TRAK1: variants seen among roughly 807,000 people sequenced by gnomAD.
The protein encoded by TRAK1 is trafficking kinesin protein 1.
Under a neutral mutation model 92.1 loss-of-function variants are expected in TRAK1, and 33 were observed. The observed-to-expected ratio is 0.36, with a 90% CI of 0.27 to 0.48. The LOEUF is 0.48. Among genes scored for constraint, TRAK1 ranks in the 20% least tolerant of loss-of-function variants. The pLI is 0.99. For missense variants in TRAK1, 1,123 were observed against 1,257.9 expected (o/e 0.89, Z 1.62); for synonymous variants, 521 against 517.3 (o/e 1.01, Z -0.10).
At chr3:42,101,901 G>A (rs554745362) in intron 1 of TRAK1, among the ~76,000 whole-genome samples, 53 of 152,266 alleles carry the variant, frequency 3.5e-4, no homozygotes, top group Non-Finnish European at 6.3e-4. Flanking sequence ...TTTACTCCGC[G>A]TTATTAAGCT....
chr3:42,172,140 C>A (rs550185554), intron 2 of TRAK1, among the ~76,000 whole-genome samples: 6 of 152,170 alleles, frequency 3.9e-5, no homozygotes, highest in Non-Finnish European at 8.8e-5. Flanking sequence ...TCTCCCAAAC[C>A]AAAAATCTCC....
upstream of TRAK1, among the ~76,000 whole-genome samples, chr3:42,089,675 A>ACCCCCCCCC (rs3073728): frequency 7.5e-6 from 1 of 132,844 alleles, no homozygotes; most frequent in Non-Finnish European, 1.6e-5. Context: ...GCTTTTTGTG[A>ACCCCCCCCC]CCCCCCCCCA....
Position 42,121,748 on chromosome 3 carries a change from G to A in TRAK1, c.92-3672G>A, listed in dbSNP as rs75883326. On this transcript the variant is annotated intron_variant, in intron 1 of 15. Coordinates refer to ENST00000327628, the MANE Select transcript of TRAK1 (RefSeq NM_001042646.3). ...CCTATCCCATGTCCTAATTCTTTGG[G>A]CCTTTAAAGCATCTGAAAATTTGCT... Among the ~76,000 whole-genome samples, 912 of 152,228 alleles carry A rather than the reference G, an allele frequency of 6.0e-3. 34 individuals carry two copies. The East Asian group carries it at 0.1, about 17-fold the overall frequency.
chr3:42,208,476 C>T (rs887238653), intron 13 of TRAK1, among the ~76,000 whole-genome samples: 1 of 152,214 alleles, frequency 6.6e-6, no homozygotes, highest in Admixed American at 6.5e-5. Flanking sequence ...CCTCCCACCT[C>T]GGCCTGCCTG....
Position 42,202,492 on chromosome 3 carries a change from T to C in TRAK1, c.1484T>C (p.Leu495Pro), listed in dbSNP as rs1307141158. ...CCGGGCACCCCAGGCTCCCACGACC[T>C]GGAGACGGCGCTGAGGCGGCTGTCC... ...GTPGTPGSHDLETALRRLSLR... is the reference protein window; with the variant it reads ...GTPGTPGSHDPETALRRLSLR... The change falls in exon 13 of 16, where the codon CTG becomes CCG. Residue 495 changes from leucine (L) to proline (P), a missense_variant. Physicochemically the swap from Leu to Pro is moderately conservative, Grantham distance 98. This residue lies in a region of TRAK1 where 686 missense variants were observed against 747.6 expected (regional missense o/e 0.92). Coordinates refer to ENST00000327628, the MANE Select transcript of TRAK1 (RefSeq NM_001042646.3). This position sits in a 1 kb window ranked among gnomAD's most constrained non-coding sequence, Gnocchi z 6.1. The C allele has an allele frequency of 6.6e-7, 1 of 1,505,192 alleles. No homozygotes were observed. The highest frequency in any genetic ancestry group is 2.2e-5 in the Admixed American group (1 of 45,634). 93.2% of individuals were successfully genotyped at this position (1,505,192 alleles called of 1,614,324 possible).
chr3:42,183,510 C>G (rs376804713), intron 3 of TRAK1, among the ~76,000 whole-genome samples: 1 of 144,688 alleles, frequency 6.9e-6, no homozygotes. Context: ...GAGCCGAGAT[C>G]GTGCTACTGT....
rs1431957705 is a variant in TRAK1 at position 42,209,795 on chromosome 3, G to A, written c.1773G>A (p.Gln591=). 3.1e-6 allele frequency: 5 copies of A among 1,614,150 alleles called. No homozygotes were observed. Among genetic ancestry groups the A allele is most frequent in the Non-Finnish European group, 4.2e-6 (5 of 1,180,034 alleles). The change falls in exon 14 of 16, where the codon CAG becomes CAA. Residue 591 remains glutamine, a synonymous_variant. Coordinates refer to ENST00000327628, the MANE Select transcript of TRAK1 (RefSeq NM_001042646.3). ...EGSATLHHWQ[Q]LAQPHLGGIL... ...CCGCCACACTTCACCACTGGCAGCAGTTGGCCCAACCTCACCTTGGGGGCA... is the reference window on the plus strand; with the variant it reads ...CCGCCACACTTCACCACTGGCAGCAATTGGCCCAACCTCACCTTGGGGGCA...
intron 1 of TRAK1, among the ~76,000 whole-genome samples, chr3:42,056,484 T>C (rs545816743): frequency 2.0e-5 from 3 of 152,334 alleles, no homozygotes; most frequent in African/African-American, 7.2e-5. Flanking sequence ...AAATTATTAT[T>C]GAAATAATTA....
At chr3:42,221,264 G>C (rs1710320205) in intron 15 of TRAK1, among the ~76,000 whole-genome samples, 1 of 151,998 alleles carries the variant, frequency 6.6e-6, no homozygotes. Context: ...CTCCACAAAT[G>C]CCTTCTGAAA....
intron 1 of TRAK1, among the ~76,000 whole-genome samples, chr3:42,099,017 CTG>C (rs998147045): frequency 1.0e-4 from 15 of 148,944 alleles, no homozygotes; most frequent in Non-Finnish European, 1.9e-4. Context: ...GCGGGGATAA[CTG>C]AGGGAGAGCT....
chr3:42,127,872 A>G (rs1039389159), intron 2 of TRAK1, among the ~76,000 whole-genome samples: 4 of 152,184 alleles, frequency 2.6e-5, no homozygotes, highest in African/African-American at 9.7e-5. Context: ...CACAGTTTCT[A>G]AAATCTGTTT....
intron 1 of TRAK1, among the ~76,000 whole-genome samples, chr3:42,045,434 C>G (rs1364232713): frequency 6.6e-6 from 1 of 152,134 alleles, no homozygotes; most frequent in Non-Finnish European, 1.5e-5. Flanking sequence ...ACTAGGGAGG[C>G]TGAGGCAGGA....
At chr3:42,219,800 T>G (rs1180330751) in intron 15 of TRAK1, among the ~76,000 whole-genome samples, 16 of 142,830 alleles carry the variant, frequency 1.1e-4, no homozygotes, top group South Asian at 4.7e-4. Flanking sequence ...TTTTTTTTTT[T>G]TTTTTTTTTT....
In TRAK1 at chr3:42,202,781, T is replaced by C. The variant is rs1405707317; in HGVS notation, c.1744+29T>C. ...ATCACGCGGGGCCTCGGCCCCTCTC[T>C]GTCCTCCTGGGGGACTCCCTTTGGT... On this transcript the variant is annotated intron_variant, in intron 13 of 15. Coordinates refer to ENST00000327628, the MANE Select transcript of TRAK1 (RefSeq NM_001042646.3). The surrounding 1 kb of genome is among the most constrained non-coding windows in gnomAD (Gnocchi z 6.1). 6.2e-7 allele frequency: 1 copy of C among 1,611,382 alleles called. No individual in the cohort carries two copies. The highest frequency in any genetic ancestry group is 8.5e-7 in the Non-Finnish European group (1 of 1,178,190).
At chr3:42,034,084 C>T (rs1397817180) in intron 1 of TRAK1, among the ~76,000 whole-genome samples, 1 of 152,196 alleles carries the variant, frequency 6.6e-6, no homozygotes, top group African/African-American at 2.4e-5. Flanking sequence ...TGCCAGTCCT[C>T]CTATCCCTCT....
At chr3:42,113,787 C>G (rs752915305) in intron 1 of TRAK1, among the ~76,000 whole-genome samples, 10 of 152,304 alleles carry the variant, frequency 6.6e-5, no homozygotes, top group Non-Finnish European at 1.3e-4. Context: ...CTCCAGGGCT[C>G]AAGTGATCGT....
At chr3:42,077,550 A>C (rs1414443481) in intron 1 of TRAK1, among the ~76,000 whole-genome samples, 1 of 152,062 alleles carries the variant, frequency 6.6e-6, no homozygotes, top group Admixed American at 6.6e-5. Flanking sequence ...TGGCCTCCCG[A>C]AGTGTTGGGA....
At chr3:42,034,294 C>CT (rs148336742) in intron 1 of TRAK1, among the ~76,000 whole-genome samples, 11,200 of 152,072 alleles carry the variant, frequency 0.074, 478 homozygotes, top group Middle Eastern at 0.21. Flanking sequence ...TCATAGGGTC[C>CT]TTTTTTAAAA....
At chr3:42,211,229 C>G (rs969716573) in intron 14 of TRAK1, 2 of 985,080 alleles carry the variant, frequency 2.0e-6, no homozygotes, top group African/African-American at 3.5e-5. Context: ...GTGGTGTCTC[C>G]CATTCCCCTG....
Sources: allele counts gnomAD v4.1 joint callset (sites outside exome capture counted in the v4.1 genomes callset), GRCh38; gene constraint gnomAD v4.1.1; regional missense constraint gnomAD v4.1.1; non-coding constraint Gnocchi (gnomAD v3.1); transcripts MANE v1.5; gene names NCBI Gene and HGNC (gene_info 2026-07-23, HGNC 2026-07-21).